ITIH5: variants seen among roughly 807,000 people sequenced by gnomAD.
ITIH5 encodes the protein inter-alpha-trypsin inhibitor heavy chain H5.
In ITIH5, 65 loss-of-function variants were observed where a neutral mutation model predicts 77.5. The ratio of observed to expected loss-of-function variants is 0.84; its 90% CI spans 0.69 to 1.03. The LOEUF (loss-of-function observed/expected upper bound fraction) is 1.03, where lower values mean the gene tolerates loss of function less well. ITIH5 is among the 50% of genes least tolerant of loss of function. The pLI, the probability that ITIH5 is intolerant of heterozygous loss-of-function variation, is 0.00. For synonymous variants in ITIH5, 525 were observed against 494.3 expected, an observed-to-expected ratio of 1.06 and a Z score of -0.82; for missense variants, 1,208 against 1,213.1, an observed-to-expected ratio of 1.00 and a Z score of 0.06.
chr10:7,612,128 TG>T (rs1030720723), intron 7 of ITIH5, among the ~76,000 whole-genome samples: 3 of 152,124 alleles, frequency 2.0e-5, no homozygotes, highest in Non-Finnish European at 4.4e-5. Flanking sequence ...TTTAAGAAAA[TG>T]ACAGGGCATG....
In ITIH5 at chr10:7,569,778, C is replaced by A. The variant is rs759642277; in HGVS notation, c.2039G>T (p.Gly680Val). 6.3e-7 allele frequency: 1 copy of A among 1,596,578 alleles called. No homozygotes were observed. Among genetic ancestry groups the A allele is most frequent in the Admixed American group, 1.7e-5 (1 of 57,232 alleles). The change falls in exon 12 of 14, where the codon GGT becomes GTT. Residue 680 changes from glycine (G) to valine (V), a missense_variant. Physicochemically the swap from Gly to Val is moderately radical, Grantham distance 109 (BLOSUM62 -3). Coordinates refer to ENST00000397146, the MANE Select transcript of ITIH5 (RefSeq NM_030569.7). ...RIKISKTSVD[G>V]DPHFVVDFPL... ...GAAATCCACAACAAAGTGGGGATCA[C>A]CATCCACTGCCAGAGCAGAAGAAAA... is the stretch of plus-strand genomic sequence containing the variant.
At chr10:7,590,755 A>G (rs1336105470) in intron 7 of ITIH5, among the ~76,000 whole-genome samples, 2 of 152,222 alleles carry the variant, frequency 1.3e-5, no homozygotes, top group Admixed American at 1.3e-4. Flanking sequence ...ATAAATTCCC[A>G]TACGTGGAAG....
At chr10:7,613,673 G>C (rs1554754251) in intron 7 of ITIH5, among the ~76,000 whole-genome samples, 1 of 151,984 alleles carries the variant, frequency 6.6e-6, no homozygotes, top group South Asian at 2.1e-4. Flanking sequence ...AAAACAGTGA[G>C]AAAAAAAATC....
At position 7,614,116 on chromosome 10, in the gene ITIH5, A is replaced by ATTTT. The variant is rs1833314899; in HGVS notation, c.939+1865_939+1866insAAAA. Among the ~76,000 whole-genome samples the ATTTT allele has an allele frequency of 9.2e-5, 14 of 152,340 alleles. No homozygotes were observed. The South Asian group carries it at 2.9e-3, about 32-fold the overall frequency. ...ACTATCCTTAAAGGATAAAAGTAAA[A>ATTTT]TAAATCATTTTCAGACAAAGACAGA... is the stretch of plus-strand genomic sequence containing the variant. On this transcript the variant is annotated intron_variant, in intron 7 of 13. Coordinates refer to ENST00000397146, the MANE Select transcript of ITIH5 (RefSeq NM_030569.7).
intron 7 of ITIH5, among the ~76,000 whole-genome samples, chr10:7,590,924 GT>G (rs1832781058): frequency 6.6e-6 from 1 of 152,182 alleles, no homozygotes. Flanking sequence ...TTGAGACAGA[GT>G]CTTGCTCTGT....
intron 5 of ITIH5, among the ~76,000 whole-genome samples, chr10:7,627,281 G>T (rs1018593127): frequency 3.4e-5 from 5 of 145,916 alleles, no homozygotes; most frequent in African/African-American, 5.3e-5. Context: ...TCTGCACATG[G>T]ATCCCAGAAC....
At chr10:7,614,055 G>A (rs1022341578) in intron 7 of ITIH5, among the ~76,000 whole-genome samples, 15 of 152,192 alleles carry the variant, frequency 9.9e-5, no homozygotes, top group African/African-American at 2.7e-4. Flanking sequence ...TTCATCATTC[G>A]ATGACTGCCA....
At chr10:7,607,933 A>G (rs1184173597) in intron 7 of ITIH5, among the ~76,000 whole-genome samples, 1 of 152,218 alleles carries the variant, frequency 6.6e-6, no homozygotes, top group Non-Finnish European at 1.5e-5. Flanking sequence ...GACTCTTCTG[A>G]TATTTCCTTC....
At chr10:7,633,915 T>C (rs1485673017) in intron 5 of ITIH5, among the ~76,000 whole-genome samples, 1 of 151,528 alleles carries the variant, frequency 6.6e-6, no homozygotes, top group Non-Finnish European at 1.5e-5. Context: ...CAGTGAAACC[T>C]CGTCTCTACT....
At chr10:7,653,218 T>G (rs1834128852) in intron 2 of ITIH5, among the ~76,000 whole-genome samples, 1 of 152,124 alleles carries the variant, frequency 6.6e-6, no homozygotes, top group African/African-American at 2.4e-5. Context: ...AAAAAAAGGT[T>G]GTTTTTGAGA....
intron 2 of ITIH5, among the ~76,000 whole-genome samples, chr10:7,652,337 G>T (rs1834114741): frequency 6.6e-6 from 1 of 152,106 alleles, no homozygotes; most frequent in Non-Finnish European, 1.5e-5. Context: ...AAGAATGCAG[G>T]CTAGAAGGAG....
intron 7 of ITIH5, among the ~76,000 whole-genome samples, chr10:7,587,526 C>T (rs945326115): frequency 1.3e-5 from 2 of 152,202 alleles, no homozygotes; most frequent in African/African-American, 4.8e-5. Context: ...GCCCTGGGGC[C>T]CTGAGCAGTA....
intron 5 of ITIH5, among the ~76,000 whole-genome samples, chr10:7,632,827 T>C (rs1187623592): frequency 6.6e-6 from 1 of 152,216 alleles, no homozygotes; most frequent in African/African-American, 2.4e-5. Flanking sequence ...TAAGGTATTC[T>C]TTTTCTCACT....
intron 12 of ITIH5, 21 bp from the exon 13 acceptor site, chr10:7,566,428 G>T (rs1292243168): frequency 1.3e-6 from 2 of 1,574,090 alleles, no homozygotes; most frequent in Non-Finnish European, 1.7e-6. Context: ...AAGGGGAAAA[G>T]AAGAAGGTTA....
intron 7 of ITIH5, among the ~76,000 whole-genome samples, chr10:7,596,360 T>A (rs1234433905): frequency 6.6e-6 from 1 of 152,114 alleles, no homozygotes; most frequent in Non-Finnish European, 1.5e-5. Flanking sequence ...AATAAGACCC[T>A]CAGAGGGGAA....
chr10:7,591,784 C>T (rs1832798124), intron 7 of ITIH5, among the ~76,000 whole-genome samples: 1 of 152,164 alleles, frequency 6.6e-6, no homozygotes, highest in South Asian at 2.1e-4. Flanking sequence ...ACAGAACATC[C>T]TTCTCTCTCT....
chr10:7,564,964 CATAT>C (rs1298913026), intron 13 of ITIH5, among the ~76,000 whole-genome samples: 1 of 134,508 alleles, frequency 7.4e-6, no homozygotes, highest in African/African-American at 3.0e-5. Context: ...TGTATACATA[CATAT>C]ACATATACAC....
At chr10:7,605,152 A>G (rs1057485084) in intron 7 of ITIH5, among the ~76,000 whole-genome samples, 1 of 151,778 alleles carries the variant, frequency 6.6e-6, no homozygotes, top group Admixed American at 6.6e-5. Flanking sequence ...GCAAAATTCT[A>G]AAGTTCTCGG....
Position 7,644,705 on chromosome 10 carries a change from TCA to T in ITIH5, c.136-2617_136-2616del, listed in dbSNP as rs1564277916. ...ATATCATATATATCACATATCTATA[TCA>T]CATATATATCATATATATCACATAT... On this transcript the variant is annotated intron_variant, in intron 2 of 13. Coordinates refer to ENST00000397146, the MANE Select transcript of ITIH5 (RefSeq NM_030569.7). Among the ~76,000 whole-genome samples the T allele has an allele frequency of 8.3e-4, 111 of 134,544 alleles. 2 individuals are homozygous for T. The highest frequency in any genetic ancestry group is 3.2e-3 in the African/African-American group (105 of 32,848). 88.3% of individuals were successfully genotyped at this position (134,544 alleles called of 152,430 possible).
Sources: gnomAD v4.1 joint callset for allele counts (sites outside exome capture counted in the v4.1 genomes callset) on GRCh38, gnomAD v4.1.1 for gene constraint, MANE v1.5 for transcripts, NCBI Gene and HGNC (gene_info 2026-07-23, HGNC 2026-07-21) for gene names.